The following PDSS2 variants were observed in gnomAD, a reference collection of about 807,000 sequenced individuals.
PDSS2 encodes decaprenyl diphosphate synthase subunit 2.
PDSS2 carries 31 observed loss-of-function variants against 44.5 expected under a neutral mutation model. The ratio of observed to expected loss-of-function variants is 0.70; its 90% CI spans 0.52 to 0.94. The LOEUF is 0.94. Among genes scored for constraint, PDSS2 ranks in the 40% least tolerant of loss-of-function variants. PDSS2 has a pLI of 0.00. For synonymous variants in PDSS2, 157 were observed against 180.3 expected, an observed-to-expected ratio of 0.87 and a Z score of 1.03; for missense variants, 452 against 482.2, an observed-to-expected ratio of 0.94 and a Z score of 0.59.
At chr6:107,391,076 T>G (rs1305058646) in intron 1 of PDSS2, among the ~76,000 whole-genome samples, 1 of 151,636 alleles carries the variant, frequency 6.6e-6, no homozygotes, top group Non-Finnish European at 1.5e-5. Flanking sequence ...GAAGATGATT[T>G]GTGATTAAAA....
chr6:107,378,876 G>C (rs1465007890), intron 1 of PDSS2, among the ~76,000 whole-genome samples: 1 of 152,198 alleles, frequency 6.6e-6, no homozygotes, highest in Non-Finnish European at 1.5e-5. Flanking sequence ...CTGGAAGGAA[G>C]AACACAGCAC....
chr6:107,379,340 A>T (rs564322977), intron 1 of PDSS2, among the ~76,000 whole-genome samples: 9 of 152,336 alleles, frequency 5.9e-5, no homozygotes, highest in Non-Finnish European at 1.2e-4. Flanking sequence ...CAAGTTTTGT[A>T]AACATTTCAT....
At chr6:107,356,855 C>T (rs764986599) in intron 1 of PDSS2, among the ~76,000 whole-genome samples, 21 of 152,138 alleles carry the variant, frequency 1.4e-4, no homozygotes, top group Non-Finnish European at 3.1e-4. Context: ...TACATTTCTA[C>T]AGGCTACTAA....
intron 3 of PDSS2, among the ~76,000 whole-genome samples, chr6:107,256,946 G>C (rs1057038298): frequency 6.6e-6 from 1 of 152,140 alleles, no homozygotes; most frequent in Non-Finnish European, 1.5e-5. Flanking sequence ...TTGGGAGACC[G>C]AGGCAGGTGA....
At chr6:107,397,049 G>A (rs1210461380) in intron 1 of PDSS2, among the ~76,000 whole-genome samples, 1 of 152,092 alleles carries the variant, frequency 6.6e-6, no homozygotes, top group Non-Finnish European at 1.5e-5. Context: ...TTGGAATGAA[G>A]CTTTAGTTAG....
At chr6:107,163,073 A>G (rs1220335716) in intron 7 of PDSS2, among the ~76,000 whole-genome samples, 1 of 152,136 alleles carries the variant, frequency 6.6e-6, no homozygotes, top group Non-Finnish European at 1.5e-5. Flanking sequence ...CTGCTATGAC[A>G]TTGTCATTTT....
chr6:107,296,708 C>T (rs1448299280), intron 2 of PDSS2, among the ~76,000 whole-genome samples: 1 of 152,034 alleles, frequency 6.6e-6, no homozygotes, highest in Non-Finnish European at 1.5e-5. Flanking sequence ...GCCTGGGCAA[C>T]AAGAGTAAAA....
In PDSS2 at chr6:107,293,135, T is replaced by C. The variant is rs567274894; in HGVS notation, c.432-18908A>G. On this transcript the variant is annotated intron_variant, in intron 2 of 7. Coordinates refer to ENST00000369037, the MANE Select transcript of PDSS2 (RefSeq NM_020381.4). ...CCCTCCGTACTCTACCACTGAGCTC[T>C]GCCATTTTTCACTGTTGCAGCTCCC... Among the ~76,000 whole-genome samples the C allele has an allele frequency of 2.0e-5, 3 of 152,246 alleles. No individual in the cohort carries two copies. The South Asian group carries it at 6.2e-4, about 32-fold the overall frequency.
chr6:107,276,008 T>C (rs1433497586), intron 2 of PDSS2, among the ~76,000 whole-genome samples: 1 of 150,580 alleles, frequency 6.6e-6, no homozygotes, highest in East Asian at 2.0e-4. Context: ...TAGTCCCAGT[T>C]ACTTGGGAGG....
At chr6:107,176,966 G>A (rs537311426) in intron 7 of PDSS2, among the ~76,000 whole-genome samples, 1 of 152,036 alleles carries the variant, frequency 6.6e-6, no homozygotes, top group African/African-American at 2.4e-5. Context: ...TTGGATGACA[G>A]AGTGAGACCC....
intron 7 of PDSS2, among the ~76,000 whole-genome samples, chr6:107,186,477 T>G (rs929344450): frequency 8.6e-5 from 6 of 70,066 alleles, no homozygotes; most frequent in East Asian, 3.3e-4. Context: ...AATTATATAG[T>G]TTTTTTTTTA....
intron 2 of PDSS2, among the ~76,000 whole-genome samples, chr6:107,317,336 T>C (rs963244341): frequency 6.6e-6 from 1 of 151,934 alleles, no homozygotes; most frequent in African/African-American, 2.4e-5. Context: ...GGAGGAAACA[T>C]GAGACAAAGG....
rs763012812 is a variant in PDSS2, at chr6:107,415,316, A to T, written c.296+43674T>A. The stretch of plus-strand genomic sequence containing the variant: ...TTTAACACAATTTGGAACAAAAAAA[A>T]TTTTTTTTTGTTAATCATAGCACTA... On this transcript the variant is annotated intron_variant, in intron 1 of 7. Transcript: ENST00000369037. 1.3e-4 allele frequency among the ~76,000 whole-genome samples: 20 copies of T among 151,734 alleles called. No homozygotes were observed. The South Asian group carries it at 1.7e-3, about 13-fold the overall frequency.
At chr6:107,261,907 C>CTTTTTTTTTTTTTT (rs58274022) in intron 3 of PDSS2, among the ~76,000 whole-genome samples, 4 of 117,100 alleles carry the variant, frequency 3.4e-5, no homozygotes, top group Non-Finnish European at 6.6e-5. Context: ...TCTTTCTTTT[C>CTTTTTTTTTTTTTT]TTTTTTTTTT....
intron 1 of PDSS2, among the ~76,000 whole-genome samples, chr6:107,398,060 C>T (rs369152410): frequency 6.6e-6 from 1 of 152,120 alleles, no homozygotes. Flanking sequence ...GTTTCAGATT[C>T]CACTCTGTAA....
Position 107,458,974 on chromosome 6 carries a change from G to A in PDSS2, c.296+16C>T, listed in dbSNP as rs754506623. ...CCAATGAGTGCGAGTGTGTCAGCGGGAGAGGGGTAGCTCACCTGGCTGTGG... is the reference window on the plus strand; with the variant it reads ...CCAATGAGTGCGAGTGTGTCAGCGGAAGAGGGGTAGCTCACCTGGCTGTGG... On this transcript the variant is annotated intron_variant, in intron 1 of 7. Coordinates refer to ENST00000369037, the MANE Select transcript of PDSS2 (RefSeq NM_020381.4). The A allele has an allele frequency of 6.8e-6, 11 of 1,613,308 alleles. No individual in the cohort carries two copies. The highest frequency in any genetic ancestry group is 8.5e-6 in the Non-Finnish European group (10 of 1,179,302).
rs189649642 is a variant in PDSS2 at position 107,163,358 on chromosome 6, G to C, written c.1042-8581C>G. On this transcript the variant is annotated intron_variant, in intron 7 of 7. Coordinates refer to ENST00000369037, the MANE Select transcript of PDSS2 (RefSeq NM_020381.4). Reference sequence around the variant, plus strand: ...TCCAGACTTGGGCTCACAGGGCTTTGCATACCAAGGAGGAACCTGATAGCT... The same window carrying C: ...TCCAGACTTGGGCTCACAGGGCTTTCCATACCAAGGAGGAACCTGATAGCT... 3.5e-4 allele frequency among the ~76,000 whole-genome samples: 53 copies of C among 152,212 alleles called. 2 individuals carry two copies. Among genetic ancestry groups the C allele is most frequent in the African/African-American group, 1.1e-3 (45 of 41,546 alleles).
chr6:107,230,673 G>A (rs1361414378), intron 4 of PDSS2, among the ~76,000 whole-genome samples: 1 of 151,622 alleles, frequency 6.6e-6, no homozygotes, highest in Non-Finnish European at 1.5e-5. Flanking sequence ...ACTAGCCAGG[G>A]CATGTTTTTC....
At chr6:107,361,711 T>G (rs892459492) in intron 1 of PDSS2, among the ~76,000 whole-genome samples, 3 of 152,198 alleles carry the variant, frequency 2.0e-5, no homozygotes, top group African/African-American at 7.2e-5. Context: ...TTTATCATGA[T>G]GGAATGAGGT....
Sources: allele counts gnomAD v4.1 joint callset (sites outside exome capture counted in the v4.1 genomes callset), GRCh38; gene constraint gnomAD v4.1.1; transcripts MANE v1.5; gene names NCBI Gene and HGNC (gene_info 2026-07-23, HGNC 2026-07-21).